ACTN1: variants seen among roughly 807,000 people sequenced by gnomAD.
ACTN1 encodes actinin alpha 1.
Under a neutral mutation model 119.6 loss-of-function variants are expected in ACTN1, and 30 were observed. That is an observed-to-expected ratio of 0.25 (90% CI 0.19 to 0.34). The LOEUF (loss-of-function observed/expected upper bound fraction) is 0.34. Ranked by LOEUF, ACTN1 falls within the 10% of genes least tolerant of loss-of-function variation. The probability of loss-of-function intolerance (pLI) is 1.00; values close to 1 mark genes in which losing one functional copy is unlikely to be tolerated. For synonymous variants in ACTN1, 429 were observed against 472.6 expected (o/e 0.91, Z 1.20); for missense variants, 764 against 1,223.4 (o/e 0.62, Z 5.60).
chr14:68,961,385 T>C (rs929538451), intron 1 of ACTN1, among the ~76,000 whole-genome samples: 6 of 152,212 alleles, frequency 3.9e-5, no homozygotes, highest in African/African-American at 1.4e-4. Flanking sequence ...TAAATGGTTA[T>C]GTTTAGGAGA....
At chr14:68,890,838 C>T (rs546570879) in intron 10 of ACTN1, among the ~76,000 whole-genome samples, 12 of 152,312 alleles carry the variant, frequency 7.9e-5, no homozygotes, top group African/African-American at 1.4e-4. Context: ...CAAACCCACA[C>T]GCCCCTTCAG....
chr14:68,911,180 A>C (rs1459507159), intron 4 of ACTN1, among the ~76,000 whole-genome samples: 1 of 152,232 alleles, frequency 6.6e-6, no homozygotes, highest in African/African-American at 2.4e-5. Flanking sequence ...AAAGCAGACA[A>C]TTTAAAAATT....
In ACTN1 at chr14:68,950,464, A is replaced by ATG. The variant is rs1191707725; in HGVS notation, c.106-24793_106-24792insCA. On this transcript the variant is annotated intron_variant, in intron 1 of 21. Coordinates refer to ENST00000394419, the MANE Select transcript of ACTN1 (RefSeq NM_001130004.2). ...TACCATAATATATATGCGTGTGTGT[A>ATG]TATATATATATATAAATCAAACATA... Among the ~76,000 whole-genome samples the ATG allele has an allele frequency of 5.0e-4, 40 of 79,832 alleles. 1 individual carries two copies. Among genetic ancestry groups the ATG allele is most frequent in the African/African-American group, 4.1e-3 (39 of 9,458 alleles). The allele number at this position is 79,832 out of a possible 152,430, so 52.4% of individuals were successfully genotyped here. A position where few individuals can be genotyped will look rare whatever the true frequency, so the allele number is the denominator to read the frequency against.
chr14:68,937,805 C>G (rs543372417), intron 1 of ACTN1, among the ~76,000 whole-genome samples: 1 of 152,364 alleles, frequency 6.6e-6, no homozygotes, highest in Admixed American at 6.5e-5. Flanking sequence ...CACCAGCCTC[C>G]CCAGGCAAGC....
At chr14:68,976,986 T>C (rs1265086332) in intron 1 of ACTN1, among the ~76,000 whole-genome samples, 20 of 152,224 alleles carry the variant, frequency 1.3e-4, no homozygotes, top group Non-Finnish European at 4.4e-5. Flanking sequence ...ATTCATTCAT[T>C]CAGAAATATT....
At chr14:68,918,662 G>A (rs968424249) in intron 3 of ACTN1, among the ~76,000 whole-genome samples, 19 of 152,016 alleles carry the variant, frequency 1.2e-4, no homozygotes, top group Admixed American at 5.9e-4. Flanking sequence ...TTGGGAGGCC[G>A]AGGCGGGCGG....
At chr14:68,895,872 T>C (rs574730795) in intron 8 of ACTN1, among the ~76,000 whole-genome samples, 1 of 151,908 alleles carries the variant, frequency 6.6e-6, no homozygotes, top group African/African-American at 2.4e-5. Flanking sequence ...TACTCCAGAG[T>C]CAGGGTCAAA....
At chr14:68,881,935 TC>T (rs1262057747) in intron 16 of ACTN1, among the ~76,000 whole-genome samples, 9 of 100,146 alleles carry the variant, frequency 9.0e-5, no homozygotes, top group African/African-American at 5.6e-4. Context: ...ATAGGCAGCT[TC>T]TTTTTTTTTT....
rs1357679839 is a variant in ACTN1 at position 68,874,593 on chromosome 14, T to C, written c.*266A>G. 3.0e-6 allele frequency: 1 copy of C among 328,478 alleles called. No homozygotes were observed. The highest frequency in any genetic ancestry group is 5.5e-6 in the Non-Finnish European group (1 of 182,956). 20.3% of individuals were successfully genotyped at this position (328,478 alleles called of 1,614,324 possible). On this transcript the variant is annotated 3_prime_UTR_variant, in exon 22 of 22. Transcript: ENST00000394419. Reference sequence around the variant, plus strand: ...TGCAAATAGTTAATCTTTCCTCTTTTTTTCCATTTGTCTGGTGGAGAAAAA... The same window carrying C: ...TGCAAATAGTTAATCTTTCCTCTTTCTTTCCATTTGTCTGGTGGAGAAAAA...
intron 1 of ACTN1, among the ~76,000 whole-genome samples, chr14:68,950,479 A>ATATATATATATATATATATAT (rs1566667536): frequency 2.8e-4 from 26 of 92,676 alleles, no homozygotes; most frequent in African/African-American, 2.0e-3. Flanking sequence ...TATATATATA[A>ATATATATATATATATATATAT]ATCAAACATA....
chr14:68,977,804 C>CCCCG lies in ACTN1; in HGVS notation c.105+1147_105+1148insCGGG, dbSNP rs2037112782. On this transcript the variant is annotated intron_variant, in intron 1 of 21. Coordinates refer to ENST00000394419, the MANE Select transcript of ACTN1 (RefSeq NM_001130004.2). ...CCAAAGGGACGCGCCATCCTGTCCC[C>CCCCG]CCCCCACCCAAAACCCCATTCCCAG... 3.3e-5 allele frequency: 12 copies of CCCCG among 367,374 alleles called. 1 individual carries two copies. The highest frequency in any genetic ancestry group is 2.2e-4 in the South Asian group (11 of 50,738). The allele number at this position is 367,374 out of a possible 1,614,324, so 22.8% of individuals were successfully genotyped here.
chr14:68,957,167 C>T (rs748235478), intron 1 of ACTN1, among the ~76,000 whole-genome samples: 22 of 152,186 alleles, frequency 1.4e-4, no homozygotes, highest in Non-Finnish European at 2.9e-4. Context: ...ATGGGCTGGC[C>T]GGAGGATACA....
rs746610154 is a variant in ACTN1 at position 68,890,233 on chromosome 14, C to G, written c.1140G>C (p.Glu380Asp). Residue 380 changes from glutamate (E) to aspartate (D), a missense_variant, in exon 11 of 22, where the codon GAG becomes GAC. This residue lies in a region of ACTN1 where 544 missense variants were observed against 912.0 expected (regional missense o/e 0.60). Transcript: ENST00000394419. ...GCCTCCGGATCTCATTCAGCAACCA[C>G]TCCTCATAGCCCTTCTCCACCTGCT... The part of the protein sequence containing the change: ...CLEQVEKGYE[E>D]WLLNEIRRLE... The G allele has an allele frequency of 6.2e-7, 1 of 1,614,114 alleles. No homozygotes were observed. Among genetic ancestry groups the G allele is most frequent in the Non-Finnish European group, 8.5e-7 (1 of 1,180,050 alleles).
At chr14:68,967,611 G>A (rs189760742) in intron 1 of ACTN1, among the ~76,000 whole-genome samples, 143 of 152,340 alleles carry the variant, frequency 9.4e-4, no homozygotes, top group Admixed American at 2.4e-3. Context: ...ATGAAGGCAG[G>A]CAGGCTGCCA....
chr14:68,882,433 C>G lies in ACTN1; in HGVS notation c.1953+25G>C. On this transcript the variant is annotated intron_variant, in intron 16 of 21. Transcript: ENST00000394419. The surrounding 1 kb of genome is among the most constrained non-coding windows in gnomAD (Gnocchi z 4.5). ...CGGGGGGGAGGGGTGGGAGCCCCAG[C>G]ACTGCTTCCCAGCATGGGACCCACC... The G allele has an allele frequency of 6.2e-7, 1 of 1,612,032 alleles. No homozygotes were observed.
chr14:68,963,043 C>A (rs1372894265), intron 1 of ACTN1, among the ~76,000 whole-genome samples: 1 of 152,136 alleles, frequency 6.6e-6, no homozygotes, highest in African/African-American at 2.4e-5. Flanking sequence ...CACCTCCTGC[C>A]CCTCCCTCCC....
intron 11 of ACTN1, chr14:68,887,152 G>A (rs2032087445): frequency 5.8e-6 from 1 of 173,212 alleles, no homozygotes; most frequent in Non-Finnish European, 1.2e-5. Context: ...TTCCTTAAGA[G>A]GCTATCAAGT....
At chr14:68,918,101 T>C (rs553266390) in intron 3 of ACTN1, among the ~76,000 whole-genome samples, 1 of 152,246 alleles carries the variant, frequency 6.6e-6, no homozygotes, top group South Asian at 2.1e-4. Flanking sequence ...CTTTTCAAAA[T>C]CTTTAGAGAA....
chr14:68,969,888 G>A (rs751426360), intron 1 of ACTN1, among the ~76,000 whole-genome samples: 1 of 152,114 alleles, frequency 6.6e-6, no homozygotes, highest in African/African-American at 2.4e-5. Flanking sequence ...TTCCAGCCTG[G>A]AAAGCCAAGT....
Sources: allele counts gnomAD v4.1 joint callset (sites outside exome capture counted in the v4.1 genomes callset), GRCh38; gene constraint gnomAD v4.1.1; regional missense constraint gnomAD v4.1.1; non-coding constraint Gnocchi (gnomAD v3.1); transcripts MANE v1.5; gene names NCBI Gene and HGNC (gene_info 2026-07-23, HGNC 2026-07-21).